LAMB1: variants seen among roughly 807,000 people sequenced by gnomAD.
The protein encoded by LAMB1 is laminin subunit beta-1.
Under a neutral mutation model 222.3 loss-of-function variants are expected in LAMB1, and 121 were observed. That is an observed-to-expected ratio of 0.54 (90% CI 0.47 to 0.63). LAMB1 has a LOEUF of 0.63. LAMB1 is among the 30% of genes least tolerant of loss of function. The pLI is 0.00. For synonymous variants in LAMB1, 794 were observed against 807.2 expected, an observed-to-expected ratio of 0.98 and a Z score of 0.28; for missense variants, 2,172 against 2,240.8, an observed-to-expected ratio of 0.97 and a Z score of 0.62.
At chr7:107,966,138 C>T (rs1232833415) in intron 13 of LAMB1, among the ~76,000 whole-genome samples, 1 of 152,050 alleles carries the variant, frequency 6.6e-6, no homozygotes, top group African/African-American at 2.4e-5. Context: ...AACGACCCTG[C>T]CGCAGCATAG....
chr7:107,988,460 G>A (rs115032341), intron 5 of LAMB1, among the ~76,000 whole-genome samples: 2 of 152,082 alleles, frequency 1.3e-5, no homozygotes, highest in Admixed American at 6.6e-5. Flanking sequence ...AAAGAAAAAA[G>A]GAATGGGTAA....
chr7:107,938,144 G>A (rs897419501), intron 25 of LAMB1, among the ~76,000 whole-genome samples: 6 of 152,118 alleles, frequency 3.9e-5, no homozygotes, highest in East Asian at 1.9e-4. Context: ...TCTTCTTGGC[G>A]ATATAATAGT....
chr7:107,984,450 G>A (rs1036885025), intron 7 of LAMB1, among the ~76,000 whole-genome samples: 5 of 152,184 alleles, frequency 3.3e-5, no homozygotes, highest in Non-Finnish European at 4.4e-5. Context: ...GTTTTACCAT[G>A]TTGGCCAGGC....
At chr7:107,932,069 T>G in intron 28 of LAMB1, 105 bp downstream of exon 28, 5 of 1,042,400 alleles carry the variant, frequency 4.8e-6, no homozygotes, top group Middle Eastern at 4.1e-4. Context: ...ATATGCCCTT[T>G]TCATTTCAGT....
At chr7:107,997,379 C>T (rs1396276504) in intron 4 of LAMB1, among the ~76,000 whole-genome samples, 2 of 152,118 alleles carry the variant, frequency 1.3e-5, no homozygotes, top group African/African-American at 2.4e-5. Context: ...GCTGAGATTG[C>T]GCCATTGCAT....
At chr7:107,974,783 G>T (rs567677918) in intron 12 of LAMB1, among the ~76,000 whole-genome samples, 2 of 152,280 alleles carry the variant, frequency 1.3e-5, no homozygotes, top group African/African-American at 4.8e-5. Flanking sequence ...TTTTATTGTG[G>T]CTTTCCTTTA....
intron 17 of LAMB1, among the ~76,000 whole-genome samples, chr7:107,960,898 C>T (rs1167382478): frequency 1.3e-5 from 2 of 152,118 alleles, no homozygotes; most frequent in African/African-American, 4.8e-5. Flanking sequence ...CTTGCTTTGT[C>T]GCCCAGGCTG....
intron 13 of LAMB1, among the ~76,000 whole-genome samples, chr7:107,965,843 T>A (rs544303495): frequency 6.6e-6 from 1 of 152,094 alleles, no homozygotes; most frequent in South Asian, 2.1e-4. Context: ...GGCTCACGTC[T>A]ATAATCCCAC....
intron 8 of LAMB1, 112 bp from the exon 9 acceptor site, chr7:107,978,279 C>A: frequency 8.2e-7 from 1 of 1,221,372 alleles, no homozygotes; most frequent in Non-Finnish European, 1.2e-6. Context: ...CTCTAGCTCA[C>A]CACAGAAAAG....
At chr7:107,954,331 ATTTT>A (rs35519789) in intron 21 of LAMB1, among the ~76,000 whole-genome samples, 2 of 133,640 alleles carry the variant, frequency 1.5e-5, no homozygotes, top group Admixed American at 7.6e-5. Context: ...ATTTTGTAAA[ATTTT>A]TTTTTTTTTT....
chr7:107,994,987 CAAT>C, intron 4 of LAMB1, 27 bp from the exon 5 acceptor site: 1 of 1,287,828 alleles, frequency 7.8e-7, no homozygotes, highest in Non-Finnish European at 1.1e-6. Context: ...AAAAATAAAA[CAAT>C]AAATGAAACT....
rs529379106 is a variant in LAMB1, at chr7:107,963,054, T to C, written c.1708A>G (p.Ile570Val). 5.8e-5 allele frequency: 94 copies of C among 1,611,238 alleles called. No individual in the cohort carries two copies. The highest frequency in any genetic ancestry group is 7.0e-5 in the Non-Finnish European group (82 of 1,178,776). ...TCCTGGATATATTGCCGCTCCACTA[T>C]GCTAACCCCCTGAGGGCATGGCAAA... Reference protein sequence around the residue: ...EEANLGPGVSIVERQYIQDRI... With the variant: ...EEANLGPGVSVVERQYIQDRI... The change falls in exon 15 of 34, where the codon ATA (isoleucine) becomes GTA (valine). Residue 570 changes from isoleucine to valine, a missense_variant. Physicochemically the swap from Ile to Val is conservative, Grantham distance 29 (BLOSUM62 3). Coordinates refer to ENST00000222399, the MANE Select transcript of LAMB1 (RefSeq NM_002291.3).
chr7:107,993,780 G>C (rs911228838), intron 5 of LAMB1, among the ~76,000 whole-genome samples: 1 of 152,202 alleles, frequency 6.6e-6, no homozygotes, highest in Non-Finnish European at 1.5e-5. Flanking sequence ...TGGTGACAAG[G>C]AGTAGTTGAC....
At chr7:107,973,213 G>A (rs1295181909) in intron 12 of LAMB1, 142 bp from the exon 13 acceptor site, 2 of 720,012 alleles carry the variant, frequency 2.8e-6, no homozygotes, top group South Asian at 1.6e-5. Context: ...ACAAAAGGAA[G>A]GAGTATTCTG....
At chr7:107,935,376 T>TGG in intron 27 of LAMB1, 39 bp downstream of exon 27, 1 of 1,252,170 alleles carries the variant, frequency 8.0e-7, no homozygotes, top group Non-Finnish European at 1.1e-6. Context: ...TTTTTTTTGC[T>TGG]TGGCACCATA....
Position 108,002,907 on chromosome 7 carries a change from G to A in LAMB1, c.-22C>T, listed in dbSNP as rs113389946. 1.5e-3 allele frequency: 2,479 copies of A among 1,613,604 alleles called. 37 individuals carry two copies. The African/African-American group carries it at 0.029, about 19-fold the overall frequency. Reference sequence around the variant, plus strand: ...CCATGCCGGCTCCCTGCAGCCACGGGGACGCGGCAGAGGAGTGGAGAAGAC... The same window carrying A: ...CCATGCCGGCTCCCTGCAGCCACGGAGACGCGGCAGAGGAGTGGAGAAGAC... On this transcript the variant is annotated 5_prime_UTR_variant, in exon 2 of 34. Coordinates refer to ENST00000222399, the MANE Select transcript of LAMB1 (RefSeq NM_002291.3).
At chr7:107,971,615 C>A (rs751364980) in intron 13 of LAMB1, among the ~76,000 whole-genome samples, 1 of 152,220 alleles carries the variant, frequency 6.6e-6, no homozygotes, top group Non-Finnish European at 1.5e-5. Flanking sequence ...GGCATCCCAT[C>A]AATCATGCTA....
chr7:107,977,890 C>A (rs1339113069), intron 9 of LAMB1, among the ~76,000 whole-genome samples, 157 bp downstream of exon 9: 1 of 152,166 alleles, frequency 6.6e-6, no homozygotes, highest in African/African-American at 2.4e-5. Flanking sequence ...TAACTGAATG[C>A]AGATTGTTGG....
chr7:107,936,766 A>G (rs977692084), intron 26 of LAMB1, among the ~76,000 whole-genome samples: 5 of 152,172 alleles, frequency 3.3e-5, no homozygotes, highest in African/African-American at 1.2e-4. Flanking sequence ...TACCTTAACT[A>G]TTCAAAAGAA....
Sources: allele counts gnomAD v4.1 joint callset (sites outside exome capture counted in the v4.1 genomes callset), GRCh38; gene constraint gnomAD v4.1.1; transcripts MANE v1.5; gene names NCBI Gene and HGNC (gene_info 2026-07-23, HGNC 2026-07-21).